DAPL1: variants seen among roughly 807,000 people sequenced by gnomAD.
DAPL1 encodes the protein death-associated protein-like 1.
A neutral mutation model predicts 12.9 loss-of-function variants in DAPL1; 17 were observed. The observed-to-expected ratio is 1.32, with a 90% confidence interval of 0.90 to 1.98. The LOEUF (loss-of-function observed/expected upper bound fraction) is 1.98. Ranked by LOEUF, DAPL1 falls within the 30% of genes most tolerant of loss-of-function variation. The pLI is 0.00. For synonymous variants in DAPL1, 51 were observed against 42.0 expected (o/e 1.21, Z -0.82); for missense variants, 157 against 125.7 (o/e 1.25, Z -1.19).
intron 3 of DAPL1, among the ~76,000 whole-genome samples, chr2:158,812,611 T>C (rs895062491): frequency 2.6e-5 from 4 of 151,996 alleles, no homozygotes; most frequent in African/African-American, 9.7e-5. Flanking sequence ...CTGGGCAACA[T>C]AGAAAGACCT....
chr2:158,814,761 G>A (rs1033624013), intron 3 of DAPL1, among the ~76,000 whole-genome samples: 1 of 152,168 alleles, frequency 6.6e-6, no homozygotes, highest in Non-Finnish European at 1.5e-5. Flanking sequence ...TTTAATTTGA[G>A]TGCCAAGGCA....
intron 3 of DAPL1, 137 bp from the exon 4 acceptor site, chr2:158,815,568 G>GA: frequency 5.8e-6 from 4 of 689,276 alleles, no homozygotes; most frequent in South Asian, 3.6e-5. Flanking sequence ...AAATAGTATG[G>GA]AAAAAAAGAG....
chr2:158,798,073 G>A (rs1241055843), intron 1 of DAPL1, among the ~76,000 whole-genome samples: 1 of 152,142 alleles, frequency 6.6e-6, no homozygotes, highest in Admixed American at 6.5e-5. Flanking sequence ...GTGAGTAGAA[G>A]TTGACCCCAG....
intron 3 of DAPL1, 128 bp downstream of exon 3, chr2:158,807,243 T>C: frequency 1.8e-6 from 1 of 545,906 alleles, no homozygotes; most frequent in Non-Finnish European, 3.1e-6. Flanking sequence ...TGTGAAAGAA[T>C]TTGTTCTCTG....
At chr2:158,797,391 A>G (rs756156038) in intron 1 of DAPL1, among the ~76,000 whole-genome samples, 4 of 152,162 alleles carry the variant, frequency 2.6e-5, no homozygotes, top group South Asian at 2.1e-4. Context: ...ATCCTCCCCA[A>G]TTTCAAGACA....
At chr2:158,796,787 C>G (rs934370892) in intron 1 of DAPL1, among the ~76,000 whole-genome samples, 1 of 152,086 alleles carries the variant, frequency 6.6e-6, no homozygotes, top group African/African-American at 2.4e-5. Context: ...CTGTCCCCAC[C>G]ACTAATGATT....
At chr2:158,805,094 T>C (rs1226169770) in intron 2 of DAPL1, among the ~76,000 whole-genome samples, 1 of 152,188 alleles carries the variant, frequency 6.6e-6, no homozygotes, top group African/African-American at 2.4e-5. Context: ...CACAGATCAG[T>C]TGATGAGTAA....
intron 2 of DAPL1, among the ~76,000 whole-genome samples, chr2:158,805,393 A>G (rs1326230562): frequency 6.6e-6 from 1 of 152,218 alleles, no homozygotes; most frequent in East Asian, 1.9e-4. Flanking sequence ...TGCGTCCTCA[A>G]GAGTGGAGGT....
intron 1 of DAPL1, among the ~76,000 whole-genome samples, chr2:158,797,541 C>T (rs755087297): frequency 1.3e-5 from 2 of 152,150 alleles, no homozygotes; most frequent in African/African-American, 4.8e-5. Context: ...CCTGTAATCC[C>T]AGCACTTTGG....
At chr2:158,804,599 A>G (rs147412692) in intron 2 of DAPL1, among the ~76,000 whole-genome samples, 3,845 of 152,266 alleles carry the variant, frequency 0.025, 80 homozygotes, top group Middle Eastern at 0.044. Context: ...ACCCCCACCC[A>G]TTCTCCTCCT....
intron 3 of DAPL1, among the ~76,000 whole-genome samples, chr2:158,810,422 T>C (rs1486659645): frequency 6.6e-6 from 1 of 152,200 alleles, no homozygotes; most frequent in Non-Finnish European, 1.5e-5. Flanking sequence ...TTATTTCTCA[T>C]ACTTATTTTA....
intron 3 of DAPL1, 27 bp from the exon 4 acceptor site, chr2:158,815,678 T>A (rs1166140779): frequency 2.1e-6 from 3 of 1,416,002 alleles, no homozygotes; most frequent in Non-Finnish European, 3.0e-6. Flanking sequence ...CCAATATGCC[T>A]ATTTTTTCTT....
chr2:158,814,381 T>C (rs1379628496), intron 3 of DAPL1, among the ~76,000 whole-genome samples: 1 of 152,206 alleles, frequency 6.6e-6, no homozygotes, highest in Non-Finnish European at 1.5e-5. Flanking sequence ...TGCTAGAATG[T>C]TGGCAGAGAT....
intron 2 of DAPL1, among the ~76,000 whole-genome samples, chr2:158,805,009 C>G (rs537856923): frequency 6.6e-6 from 1 of 152,176 alleles, no homozygotes; most frequent in African/African-American, 2.4e-5. Context: ...CCAGAGCATT[C>G]CAAAAAACAA....
intron 3 of DAPL1, among the ~76,000 whole-genome samples, chr2:158,810,048 T>G (rs1394163238): frequency 6.6e-6 from 1 of 152,200 alleles, no homozygotes; most frequent in Non-Finnish European, 1.5e-5. Flanking sequence ...ATCTTGATTG[T>G]GGTTGTAGTC....
chr2:158,802,411 A>C (rs2105150110), intron 1 of DAPL1, among the ~76,000 whole-genome samples: 1 of 152,358 alleles, frequency 6.6e-6, no homozygotes, highest in Non-Finnish European at 1.5e-5. Context: ...CAACCCCATG[A>C]TGCTAAGATG....
In DAPL1 at chr2:158,804,155, T is replaced by C. The variant is rs1010146069; in HGVS notation, c.59-127T>C. On this transcript the variant is annotated intron_variant, in intron 1 of 3. Coordinates refer to ENST00000309950, the MANE Select transcript of DAPL1 (RefSeq NM_001017920.3). ...ATATATTTTTTATTGTGTTGTTTTA[T>C]ACAAACGTTTAGATCTTTAAAAAAT... 6.2e-6 allele frequency: 4 copies of C among 643,842 alleles called. No individual in the cohort carries two copies. The East Asian group carries it at 8.6e-5, about 14-fold the overall frequency. 39.9% of individuals were successfully genotyped at this position (643,842 alleles called of 1,614,324 possible). A position where few individuals can be genotyped will look rare whatever the true frequency, so the allele number is the denominator to read the frequency against.
intron 3 of DAPL1, among the ~76,000 whole-genome samples, chr2:158,814,481 G>C (rs187903573): frequency 2.9e-4 from 44 of 152,308 alleles, no homozygotes; most frequent in African/African-American, 9.4e-4. Context: ...AAGAAAAAGA[G>C]AGGCATTGCC....
intron 1 of DAPL1, among the ~76,000 whole-genome samples, chr2:158,796,150 G>A (rs998911793): frequency 6.6e-6 from 1 of 152,134 alleles, no homozygotes; most frequent in African/African-American, 2.4e-5. Flanking sequence ...TGGCTGAGGT[G>A]TACAGGCCTA....
Sources: gnomAD v4.1 joint callset for allele counts (sites outside exome capture counted in the v4.1 genomes callset) on GRCh38, gnomAD v4.1.1 for gene constraint, MANE v1.5 for transcripts, NCBI Gene and HGNC (gene_info 2026-07-23, HGNC 2026-07-21) for gene names.